The following TAF4B variants were observed in gnomAD, a reference collection of about 807,000 sequenced individuals.
The protein encoded by TAF4B is transcription initiation factor TFIID subunit 4B.
In TAF4B, 38 loss-of-function variants were observed where a neutral mutation model predicts 86.4. That is an observed-to-expected ratio of 0.44 (90% confidence interval 0.34 to 0.58). The LOEUF (loss-of-function observed/expected upper bound fraction) is 0.58, where lower values mean the gene tolerates loss of function less well. Among genes scored for constraint, TAF4B ranks in the 20% least tolerant of loss-of-function variants. The pLI is 0.02. For missense variants in TAF4B, 988 were observed against 1,027.6 expected (o/e 0.96, Z 0.53); for synonymous variants, 388 against 391.2 (o/e 0.99, Z 0.10).
intron 13 of TAF4B, among the ~76,000 whole-genome samples, chr18:26,356,515 C>G (rs57186549): frequency 6.6e-6 from 1 of 152,120 alleles, no homozygotes; most frequent in Non-Finnish European, 1.5e-5. Context: ...TCAACCTGCT[C>G]TATTTTTAAA....
intron 1 of TAF4B, 70 bp from the exon 2 acceptor site, chr18:26,265,100 A>T: frequency 6.7e-7 from 1 of 1,484,920 alleles, no homozygotes; most frequent in Non-Finnish European, 9.0e-7. Context: ...GAAATGGGAG[A>T]AGAAAATATG....
chr18:26,262,746 G>A (rs1026376603), intron 1 of TAF4B, among the ~76,000 whole-genome samples: 1 of 152,118 alleles, frequency 6.6e-6, no homozygotes, highest in Non-Finnish European at 1.5e-5. Context: ...CTCCCAAAGT[G>A]CTGGGTTTAC....
At chr18:26,315,148 C>CTCTCTG in intron 9 of TAF4B, 81 bp from the exon 10 acceptor site, 2 of 394,130 alleles carry the variant, frequency 5.1e-6, no homozygotes, top group Non-Finnish European at 3.8e-6. Flanking sequence ...CTCTCTCTGT[C>CTCTCTG]TCTCTCTCTC....
chr18:26,344,742 C>T (rs1351149580), intron 13 of TAF4B, among the ~76,000 whole-genome samples: 1 of 152,166 alleles, frequency 6.6e-6, no homozygotes, highest in Non-Finnish European at 1.5e-5. Flanking sequence ...GTGCTTGTTT[C>T]TTCTACAAAA....
rs1298359765 is a variant in TAF4B at position 26,346,801 on chromosome 18, G to GTGTGTA, written c.2317-10888_2317-10887insGTGTAT. Among the ~76,000 whole-genome samples the GTGTGTA allele has an allele frequency of 2.4e-3, 44 of 18,248 alleles. 6 individuals are homozygous for GTGTGTA. Among genetic ancestry groups the GTGTGTA allele is most frequent in the African/African-American group, 4.6e-3 (44 of 9,520 alleles). 12.0% of individuals were successfully genotyped at this position (18,248 alleles called of 152,430 possible). On this transcript the variant is annotated intron_variant, in intron 13 of 14. Coordinates refer to ENST00000269142, the MANE Select transcript of TAF4B (RefSeq NM_005640.3). Reference sequence around the variant, plus strand: ...TGTGTGTATATATATATATATATGTGTATATATATATATATGTGTGTGTAT... The same window carrying GTGTGTA: ...TGTGTGTATATATATATATATATGTGTGTGTATATATATATATATATGTGTGTGTAT...
chr18:26,282,099 A>C (rs1462165976), intron 6 of TAF4B, 39 bp downstream of exon 6: 9 of 1,449,104 alleles, frequency 6.2e-6, no homozygotes, highest in Non-Finnish European at 8.7e-6. Context: ...AATTTGGATT[A>C]GATTACTCTA....
In TAF4B at chr18:26,227,239, G is replaced by C. The variant is rs374723586; in HGVS notation, c.306G>C (p.Thr102=). The part of the protein sequence containing the change: ...QIVAVKAPNT[T]TIQFPANLQL... The stretch of plus-strand genomic sequence containing the variant: ...TCGCCGTGAAAGCCCCCAACACCAC[G>C]ACAATCCAGTTTCCTGCTAATTTGC... The change falls in exon 1 of 15, where the codon ACG becomes ACC. Residue 102 remains threonine, a synonymous_variant. Transcript: ENST00000269142. The C allele has an allele frequency of 1.9e-6, 3 of 1,613,456 alleles. No individual in the cohort carries two copies. The Admixed American group carries it at 5.0e-5, about 27-fold the overall frequency.
intron 1 of TAF4B, among the ~76,000 whole-genome samples, chr18:26,250,966 A>G (rs1476006296): frequency 6.6e-6 from 1 of 152,204 alleles, no homozygotes; most frequent in Non-Finnish European, 1.5e-5. Flanking sequence ...TCTTTTATTT[A>G]TTCAATTCAG....
intron 1 of TAF4B, among the ~76,000 whole-genome samples, chr18:26,244,071 C>G (rs2055884444): frequency 6.6e-6 from 1 of 152,146 alleles, no homozygotes; most frequent in Non-Finnish European, 1.5e-5. Context: ...ATCTCAAACT[C>G]CGTGCTGGGA....
At chr18:26,258,409 C>T (rs2056116890) in intron 1 of TAF4B, among the ~76,000 whole-genome samples, 1 of 152,136 alleles carries the variant, frequency 6.6e-6, no homozygotes, top group African/African-American at 2.4e-5. Flanking sequence ...TTGCTTCCAC[C>T]CATTTCCTCT....
intron 6 of TAF4B, among the ~76,000 whole-genome samples, chr18:26,285,388 A>G (rs1468931285): frequency 1.3e-5 from 2 of 151,396 alleles, no homozygotes; most frequent in African/African-American, 2.4e-5. Flanking sequence ...GGGTTTTGCC[A>G]TGTTGCCTAG....
At chr18:26,370,168 CAG>C (rs1208886969) in intron 14 of TAF4B, among the ~76,000 whole-genome samples, 1 of 152,188 alleles carries the variant, frequency 6.6e-6, no homozygotes, top group Admixed American at 6.5e-5. Flanking sequence ...ATTCTGAACT[CAG>C]AGTCCACATA....
At chr18:26,316,987 T>C (rs2056918260) in intron 10 of TAF4B, among the ~76,000 whole-genome samples, 1 of 151,940 alleles carries the variant, frequency 6.6e-6, no homozygotes, top group South Asian at 2.1e-4. Flanking sequence ...TGGTAAAATA[T>C]AAGTAGATAC....
intron 1 of TAF4B, among the ~76,000 whole-genome samples, chr18:26,258,071 T>C (rs747427280): frequency 6.6e-6 from 1 of 152,002 alleles, no homozygotes; most frequent in Non-Finnish European, 1.5e-5. Context: ...CTGGCCAACA[T>C]GGTGAAACAC....
At chr18:26,360,990 G>A (rs938934502) in intron 14 of TAF4B, among the ~76,000 whole-genome samples, 41 of 151,908 alleles carry the variant, frequency 2.7e-4, no homozygotes, top group Admixed American at 1.6e-3. Context: ...GCTGCTAGTG[G>A]CCACTATATT....
intron 9 of TAF4B, among the ~76,000 whole-genome samples, chr18:26,300,516 T>C (rs2056719690): frequency 1.3e-5 from 2 of 151,050 alleles, no homozygotes; most frequent in African/African-American, 4.8e-5. Flanking sequence ...GTTTCCTTTC[T>C]TTAATTTATT....
chr18:26,285,844 T>G, intron 6 of TAF4B, 38 bp from the exon 7 acceptor site: 1 of 1,569,968 alleles, frequency 6.4e-7, no homozygotes, highest in Non-Finnish European at 8.6e-7. Context: ...GTAGCTGATT[T>G]GTTAGCAGTG....
In TAF4B at chr18:26,241,454, A is replaced by G. The variant is rs2055837344; in HGVS notation, c.343+14178A>G. On this transcript the variant is annotated intron_variant, in intron 1 of 14. Transcript: ENST00000269142. ...TATCCCCATTATCATTTTTTATTGC[A>G]TCTATTTGATTCTTCTCTCTTTTCT... is the stretch of plus-strand genomic sequence containing the variant. 3.3e-5 allele frequency among the ~76,000 whole-genome samples: 5 copies of G among 152,032 alleles called. No homozygotes were observed. The South Asian group carries it at 1.0e-3, about 32-fold the overall frequency.
intron 12 of TAF4B, among the ~76,000 whole-genome samples, chr18:26,330,650 C>T (rs1020154266): frequency 2.6e-5 from 4 of 151,992 alleles, no homozygotes; most frequent in African/African-American, 9.7e-5. Context: ...CACAAATGTC[C>T]ATCTGTAACT....
Sources: allele counts gnomAD v4.1 joint callset (sites outside exome capture counted in the v4.1 genomes callset), GRCh38; gene constraint gnomAD v4.1.1; transcripts MANE v1.5; gene names NCBI Gene and HGNC (gene_info 2026-07-23, HGNC 2026-07-21).